RPUSD2: variants seen among roughly 807,000 people sequenced by gnomAD.
The protein encoded by RPUSD2 is pseudouridylate synthase RPUSD2.
A neutral mutation model predicts 41.5 loss-of-function variants in RPUSD2; 31 were observed. The ratio of observed to expected loss-of-function variants is 0.75; its 90% confidence interval spans 0.56 to 1.01. The LOEUF (loss-of-function observed/expected upper bound fraction) is 1.01, where lower values mean the gene tolerates loss of function less well. RPUSD2 is among the 50% of genes least tolerant of loss of function. The pLI is 0.00. For synonymous variants in RPUSD2, 305 were observed against 289.7 expected, an observed-to-expected ratio of 1.05 and a Z score of -0.54; for missense variants, 749 against 724.7, an observed-to-expected ratio of 1.03 and a Z score of -0.38.
chr15:40,574,214 T>C lies in RPUSD2; in HGVS notation c.1591T>C (p.Phe531Leu), dbSNP rs1891209291. 2.5e-6 allele frequency: 4 copies of C among 1,613,206 alleles called. No individual in the cohort carries two copies. Among genetic ancestry groups the C allele is most frequent in the African/African-American group, 1.3e-5 (1 of 74,886 alleles). Residue 531 changes from phenylalanine (F) to leucine (L), a missense_variant, in exon 3 of 3, where the codon TTT (phenylalanine) becomes CTT (leucine). Physicochemically the swap from Phe to Leu is conservative, Grantham distance 22. Coordinates refer to ENST00000315616, the MANE Select transcript of RPUSD2 (RefSeq NM_152260.3). ...LRYKGPGFEY[F>L]SPMPAWAQDD... is the part of the protein sequence containing the mutation. ...CTATAAAGGGCCAGGCTTTGAGTAC[T>C]TTTCACCAATGCCTGCCTGGGCACA...
chr15:40,569,668 G>T lies in RPUSD2; in HGVS notation c.331G>T (p.Val111Leu), dbSNP rs1228880969. The change falls in exon 1 of 3, where the codon GTG (valine) becomes TTG (leucine). Residue 111 changes from valine to leucine, a missense_variant. Physicochemically the swap from Val to Leu is conservative, Grantham distance 32 (BLOSUM62 1). Transcript: ENST00000315616. Reference protein sequence around the residue: ...KRRGATRERVVPPPKKRRTGV... With the variant: ...KRRGATRERVLPPPKKRRTGV... Reference sequence around the variant, plus strand: ...GCGGGGCGCAACCAGGGAGCGTGTCGTGCCGCCCCCGAAGAAGCGGCGGAC... The same window carrying T: ...GCGGGGCGCAACCAGGGAGCGTGTCTTGCCGCCCCCGAAGAAGCGGCGGAC... The T allele has an allele frequency of 7.7e-6, 12 of 1,551,520 alleles. No homozygotes were observed. Among genetic ancestry groups the T allele is most frequent in the Non-Finnish European group, 1.0e-5 (12 of 1,146,232 alleles).
chr15:40,573,740 C>G lies in RPUSD2; in HGVS notation c.1117C>G (p.Arg373Gly). 3.1e-6 allele frequency: 5 copies of G among 1,614,194 alleles called. No individual in the cohort carries two copies. Among genetic ancestry groups the G allele is most frequent in the East Asian group, 2.2e-5 (1 of 44,874 alleles). ...RPLTGRTHQI[R>G]VHLQFLGHPI... Reference sequence around the variant, plus strand: ...ACTCACAGGCCGCACACACCAGATTCGAGTCCACCTTCAGTTCTTGGGCCA... The same window carrying G: ...ACTCACAGGCCGCACACACCAGATTGGAGTCCACCTTCAGTTCTTGGGCCA... The change falls in exon 3 of 3, where the codon CGA becomes GGA. Residue 373 changes from arginine (R) to glycine (G), a missense_variant. Arg to Gly is a moderately radical substitution (Grantham distance 125, BLOSUM62 -2). Transcript: ENST00000315616.
chr15:40,570,301 G>A (rs1566989563), intron 1 of RPUSD2, among the ~76,000 whole-genome samples: 1 of 149,324 alleles, frequency 6.7e-6, no homozygotes, highest in Admixed American at 6.6e-5. Context: ...AATAATAGGG[G>A]CTATCATTTA....
chr15:40,573,894 G>T lies in RPUSD2; in HGVS notation c.1271G>T (p.Ser424Ile). The change falls in exon 3 of 3, where the codon AGC becomes ATC. Residue 424 changes from serine (S) to isoleucine (I), a missense_variant. Ser to Ile is a moderately radical substitution (Grantham distance 142). Coordinates refer to ENST00000315616, the MANE Select transcript of RPUSD2 (RefSeq NM_152260.3). The part of the protein sequence containing the change: ...DLVAEHQAKQ[S>I]LDVLDLCEGD... ...GTAGCAGAGCACCAGGCCAAACAGA[G>T]CCTGGATGTGCTAGATCTCTGTGAG... 1 of 1,614,172 alleles carries T rather than the reference G, an allele frequency of 6.2e-7. No individual in the cohort carries two copies. Among genetic ancestry groups the T allele is most frequent in the Non-Finnish European group, 8.5e-7 (1 of 1,180,016 alleles).
Position 40,573,998 on chromosome 15 carries a change from G to T in RPUSD2, c.1375G>T (p.Ala459Ser). 1 of 1,614,094 alleles carries T rather than the reference G, an allele frequency of 6.2e-7. No individual in the cohort carries two copies. The highest frequency in any genetic ancestry group is 8.5e-7 in the Non-Finnish European group (1 of 1,180,020). Residue 459 changes from alanine (A) to serine (S), a missense_variant, in exon 3 of 3, where the codon GCA (alanine) becomes TCA (serine). Physicochemically the swap from Ala to Ser is moderately conservative, Grantham distance 99. Transcript: ENST00000315616. Reference protein sequence around the residue: ...LGKDDLEELAAAAQKMEEVAE... With the variant: ...LGKDDLEELASAAQKMEEVAE... ...CAAGGACGACCTGGAAGAGTTGGCT[G>T]CAGCTGCCCAGAAGATGGAGGAAGT...
rs757526191 is a variant in RPUSD2 at position 40,573,686 on chromosome 15, G to A, written c.1063G>A (p.Gly355Ser). The change falls in exon 3 of 3, where the codon GGC becomes AGC. Residue 355 changes from glycine (G) to serine (S), a missense_variant. Transcript: ENST00000315616. Reference sequence around the variant, plus strand: ...AGTGTTCCAGAGGCTAAGCTACAATGGCCAGTCCAGTGTGGTACGGTGCCG... The same window carrying A: ...AGTGTTCCAGAGGCTAAGCTACAATAGCCAGTCCAGTGTGGTACGGTGCCG... ...ETVFQRLSYNGQSSVVRCRPL... is the reference protein window; with the variant it reads ...ETVFQRLSYNSQSSVVRCRPL... 22 of 1,614,090 alleles carry A rather than the reference G, an allele frequency of 1.4e-5. No homozygotes were observed. The highest frequency in any genetic ancestry group is 1.6e-5 in the Non-Finnish European group (19 of 1,180,034).
chr15:40,573,577 A>G lies in RPUSD2; in HGVS notation c.954A>G (p.Glu318=), dbSNP rs532990843. The part of the protein sequence containing the change: ...CRVEGEFPTE[E]VTCKEPILVV... ...TGGAAGGGGAGTTCCCCACTGAGGA[A>G]GTGACCTGTAAAGAACCCATCTTAG... Residue 318 remains glutamate (E), a synonymous_variant, in exon 3 of 3, where the codon GAA becomes GAG. Transcript: ENST00000315616. 1 of 1,614,142 alleles carries G rather than the reference A, an allele frequency of 6.2e-7. No individual in the cohort carries two copies. The highest frequency in any genetic ancestry group is 1.1e-5 in the South Asian group (1 of 91,084).
chr15:40,573,939 TCA>T lies in RPUSD2; in HGVS notation c.1319_1320del (p.Thr440ArgfsTer29). On this transcript the variant is annotated frameshift_variant, in exon 3 of 3. Transcript: ENST00000315616. LOFTEE classifies it high-confidence loss of function. Reference sequence around the variant, plus strand: ...TGTGAGGGTGACCTGTCCCCAGGACTCACAGACTCTACGGCCCCCTCCTCAGA... The same window carrying T: ...TGTGAGGGTGACCTGTCCCCAGGACTCAGACTCTACGGCCCCCTCCTCAGA... 6.2e-7 allele frequency: 1 copy of T among 1,614,132 alleles called. No individual in the cohort carries two copies. The highest frequency in any genetic ancestry group is 8.5e-7 in the Non-Finnish European group (1 of 1,180,014).
In RPUSD2 at chr15:40,569,959, G is replaced by T; in HGVS notation, c.606+16G>T. ...CGTGCTCAAGGTGGAGTCCTGATGG[G>T]GCTGGCCAGAAGCGGGCGAGGAAAA... On this transcript the variant is annotated intron_variant, in intron 1 of 2. Transcript: ENST00000315616. 6.6e-7 allele frequency: 1 copy of T among 1,508,280 alleles called. No homozygotes were observed. The highest frequency in any genetic ancestry group is 2.3e-5 in the Admixed American group (1 of 42,732). The allele number at this position is 1,508,280 out of a possible 1,614,324, so 93.4% of individuals were successfully genotyped here. A position where few individuals can be genotyped will look rare whatever the true frequency, so the allele number is the denominator to read the frequency against.
chr15:40,570,718 A>G (rs1200612893), intron 1 of RPUSD2, among the ~76,000 whole-genome samples: 1 of 152,198 alleles, frequency 6.6e-6, no homozygotes, highest in Non-Finnish European at 1.5e-5. Context: ...TGTTCCATTG[A>G]TCAATCGATT....
At position 40,569,540 on chromosome 15, in the gene RPUSD2, C is replaced by G. The variant is rs745913148; in HGVS notation, c.203C>G (p.Ser68Cys). 6.5e-7 allele frequency: 1 copy of G among 1,535,776 alleles called. No homozygotes were observed. Among genetic ancestry groups the G allele is most frequent in the African/African-American group, 1.4e-5 (1 of 72,602 alleles). ...DAGGDAKVEL[S>C]PGPPKPAGRE... ...GGTGGCGACGCGAAGGTTGAGCTGT[C>G]CCCCGGGCCCCCGAAGCCGGCTGGC... Residue 68 changes from serine (S) to cysteine (C), a missense_variant, in exon 1 of 3, where the codon TCC (serine) becomes TGC (cysteine). Coordinates refer to ENST00000315616, the MANE Select transcript of RPUSD2 (RefSeq NM_152260.3).
Position 40,569,352 on chromosome 15 carries a change from C to T in RPUSD2, c.15C>T (p.Arg5=). 6.8e-7 allele frequency: 1 copy of T among 1,479,768 alleles called. No homozygotes were observed. Among genetic ancestry groups the T allele is most frequent in the Non-Finnish European group, 9.0e-7 (1 of 1,116,552 alleles). The allele number at this position is 1,479,768 out of a possible 1,614,324, so 91.7% of individuals were successfully genotyped here. A position where few individuals can be genotyped will look rare whatever the true frequency, so the allele number is the denominator to read the frequency against. Reference sequence around the variant, plus strand: ...GCAGCGTGGTTATGTGGCTGGACCGCCGCGGATGGCTCAGGGTTCTTGGAC... The same window carrying T: ...GCAGCGTGGTTATGTGGCTGGACCGTCGCGGATGGCTCAGGGTTCTTGGAC... MWLD[R]RGWLRVLGHW... The change falls in exon 1 of 3, where the codon CGC becomes CGT. Residue 5 remains arginine (R), a synonymous_variant. Transcript: ENST00000315616.
At chr15:40,571,526 A>G in intron 1 of RPUSD2, 78 bp from the exon 2 acceptor site, 1 of 1,345,436 alleles carries the variant, frequency 7.4e-7, no homozygotes, top group Non-Finnish European at 1.0e-6. Flanking sequence ...TCAGTGAGGA[A>G]CAGGGGAAGC....
chr15:40,571,727 C>T lies in RPUSD2; in HGVS notation c.730C>T (p.His244Tyr), dbSNP rs36095127. ...AGACAAGCCTTCCTCCATTCCCGTTCACCCCTGTGGCCGCTTCCGACACAA... is the reference window on the plus strand; with the variant it reads ...AGACAAGCCTTCCTCCATTCCCGTTTACCCCTGTGGCCGCTTCCGACACAA... ...VVDKPSSIPV[H>Y]PCGRFRHNTV... The change falls in exon 2 of 3, where the codon CAC becomes TAC. Residue 244 changes from histidine (H) to tyrosine (Y), a missense_variant. Transcript: ENST00000315616. The T allele has an allele frequency of 1.9e-6, 3 of 1,614,242 alleles. No homozygotes were observed. Among genetic ancestry groups the T allele is most frequent in the East Asian group, 2.2e-5 (1 of 44,890 alleles).
At position 40,569,327 on chromosome 15, in the gene RPUSD2, G is replaced by T; in HGVS notation, c.-11G>T. ...TCGCGACCCTGGGAGTGGAGTGGGGGCAGCGTGGTTATGTGGCTGGACCGC... is the reference window on the plus strand; with the variant it reads ...TCGCGACCCTGGGAGTGGAGTGGGGTCAGCGTGGTTATGTGGCTGGACCGC... On this transcript the variant is annotated 5_prime_UTR_variant, in exon 1 of 3. Transcript: ENST00000315616. 4.1e-6 allele frequency: 6 copies of T among 1,459,592 alleles called. No homozygotes were observed. The highest frequency in any genetic ancestry group is 5.4e-6 in the Non-Finnish European group (6 of 1,105,396). The allele number at this position is 1,459,592 out of a possible 1,614,324, so 90.4% of individuals were successfully genotyped here. A position where few individuals can be genotyped will look rare whatever the true frequency, so the allele number is the denominator to read the frequency against.
intron 2 of RPUSD2, 72 bp from the exon 3 acceptor site, chr15:40,573,455 C>T (rs1395738502): frequency 6.6e-7 from 1 of 1,513,424 alleles, no homozygotes; most frequent in Non-Finnish European, 8.9e-7. Context: ...TGGTCCTTAT[C>T]ACTCCACAAA....
Position 40,573,689 on chromosome 15 carries a change from C to A in RPUSD2, c.1066C>A (p.Gln356Lys), listed in dbSNP as rs201633729. The A allele has an allele frequency of 1.2e-5, 20 of 1,614,080 alleles. No homozygotes were observed. The highest frequency in any genetic ancestry group is 2.2e-5 in the East Asian group (1 of 44,898). ...GTTCCAGAGGCTAAGCTACAATGGC[C>A]AGTCCAGTGTGGTACGGTGCCGGCC... ...TVFQRLSYNG[Q>K]SSVVRCRPLT... Residue 356 changes from glutamine to lysine, a missense_variant, in exon 3 of 3, where the codon CAG becomes AAG. Gln to Lys is a moderately conservative substitution (Grantham distance 53). Transcript: ENST00000315616.
In RPUSD2 at chr15:40,571,769, C is replaced by G. The variant is rs1452036935; in HGVS notation, c.772C>G (p.Leu258Val). Residue 258 changes from leucine to valine, a missense_variant, in exon 2 of 3, where the codon CTA (leucine) becomes GTA (valine). Coordinates refer to ENST00000315616, the MANE Select transcript of RPUSD2 (RefSeq NM_152260.3). ...RFRHNTVIFI[L>V]GKEHQLKELH... The stretch of plus-strand genomic sequence containing the variant: ...CCGACACAACACAGTTATCTTCATC[C>G]TAGGCAAGGAGCACCAACTCAAGGA... 1.2e-6 allele frequency: 2 copies of G among 1,614,214 alleles called. No homozygotes were observed. The highest frequency in any genetic ancestry group is 2.2e-5 in the East Asian group (1 of 44,890).
rs751949978 is a variant in RPUSD2 at position 40,569,353 on chromosome 15, C to A, written c.16C>A (p.Arg6Ser). 4.7e-6 allele frequency: 7 copies of A among 1,479,726 alleles called. No homozygotes were observed. Among genetic ancestry groups the A allele is most frequent in the African/African-American group, 1.4e-5 (1 of 70,284 alleles). 91.7% of individuals were successfully genotyped at this position (1,479,726 alleles called of 1,614,324 possible). Residue 6 changes from arginine to serine, a missense_variant, in exon 1 of 3, where the codon CGC (arginine) becomes AGC (serine). Coordinates refer to ENST00000315616, the MANE Select transcript of RPUSD2 (RefSeq NM_152260.3). The stretch of plus-strand genomic sequence containing the variant: ...CAGCGTGGTTATGTGGCTGGACCGC[C>A]GCGGATGGCTCAGGGTTCTTGGACA... MWLDR[R>S]GWLRVLGHWR... is the part of the protein sequence containing the mutation.
Sources: gnomAD v4.1 joint callset for allele counts (sites outside exome capture counted in the v4.1 genomes callset) on GRCh38, gnomAD v4.1.1 for gene constraint, MANE v1.5 for transcripts, NCBI Gene and HGNC (gene_info 2026-07-23, HGNC 2026-07-21) for gene names.